Variants in ARID4B observed in about 807,000 individuals in gnomAD.
The protein encoded by ARID4B is AT-rich interactive domain-containing protein 4B.
Under a neutral mutation model 147.5 loss-of-function variants are expected in ARID4B, and 26 were observed. The ratio of observed to expected loss-of-function variants is 0.18; its 90% CI spans 0.13 to 0.24. The LOEUF (loss-of-function observed/expected upper bound fraction) is 0.24. Among genes scored for constraint, ARID4B ranks in the 10% least tolerant of loss-of-function variants. ARID4B has a pLI of 1.00. For missense variants in ARID4B, 1,179 were observed against 1,511.5 expected, an observed-to-expected ratio of 0.78 and a Z score of 3.65; for synonymous variants, 512 against 507.9, an observed-to-expected ratio of 1.01 and a Z score of -0.11.
At chr1:235,202,093 C>A (rs1665981471) in intron 17 of ARID4B, among the ~76,000 whole-genome samples, 1 of 150,400 alleles carries the variant, frequency 6.6e-6, no homozygotes, top group African/African-American at 2.4e-5. Context: ...CTGGTCTTAA[C>A]CTTTAGGAAT....
intron 12 of ARID4B, 31 bp from the exon 13 acceptor site, chr1:235,223,291 C>T: frequency 1.7e-6 from 2 of 1,186,394 alleles, no homozygotes; most frequent in Admixed American, 2.8e-5. Context: ...TATATTAGAT[C>T]CACACTACAT....
intron 2 of ARID4B, among the ~76,000 whole-genome samples, chr1:235,274,710 G>T (rs1056792448): frequency 5.3e-5 from 8 of 152,116 alleles, no homozygotes; most frequent in African/African-American, 1.9e-4. Context: ...AGAGGTAAAA[G>T]GATATAGAAG....
At chr1:235,309,353 G>A (rs1420647897) in intron 2 of ARID4B, among the ~76,000 whole-genome samples, 1 of 145,986 alleles carries the variant, frequency 6.8e-6, no homozygotes, top group Middle Eastern at 3.7e-3. Flanking sequence ...GAGCCCCTCC[G>A]CCCGGCAACC....
chr1:235,211,401 G>C (rs1259205807), intron 17 of ARID4B, among the ~76,000 whole-genome samples: 4 of 152,034 alleles, frequency 2.6e-5, no homozygotes, highest in African/African-American at 9.7e-5. Flanking sequence ...GAAAGTTGGA[G>C]AACACCTAAA....
chr1:235,267,249 G>T (rs553379746), intron 2 of ARID4B, among the ~76,000 whole-genome samples: 1 of 152,100 alleles, frequency 6.6e-6, no homozygotes, highest in African/African-American at 2.4e-5. Flanking sequence ...CGGCACTCCA[G>T]CCGGGTTGAC....
rs1012290461 is a variant in ARID4B at position 235,327,830 on chromosome 1, C to A, written c.-111G>T. The A allele has an allele frequency of 2.0e-5, 3 of 152,610 alleles. No homozygotes were observed. The highest frequency in any genetic ancestry group is 4.8e-5 in the African/African-American group (2 of 41,458). The allele number at this position is 152,610 out of a possible 1,614,324, so 9.5% of individuals were successfully genotyped here. A position where few individuals can be genotyped will look rare whatever the true frequency, so the allele number is the denominator to read the frequency against. On this transcript the variant is annotated 5_prime_UTR_variant, in exon 1 of 24. Transcript: ENST00000264183. ...GAGTCCCCTCTCTCCTTCTCCCCCCCAAAACCAGCAGGCCCGGGGGAGAGA... is the reference window on the plus strand; with the variant it reads ...GAGTCCCCTCTCTCCTTCTCCCCCCAAAAACCAGCAGGCCCGGGGGAGAGA...
intron 2 of ARID4B, among the ~76,000 whole-genome samples, chr1:235,314,759 T>C (rs932736782): frequency 6.6e-6 from 1 of 152,102 alleles, no homozygotes; most frequent in African/African-American, 2.4e-5. Context: ...TATATAACAT[T>C]TTACTATCAG....
chr1:235,182,805 CAG>C lies in ARID4B; in HGVS notation c.2126-14_2126-13del, dbSNP rs755470331. 2.6e-4 allele frequency: 405 copies of C among 1,556,038 alleles called. No individual in the cohort carries two copies. Among genetic ancestry groups the C allele is most frequent in the Non-Finnish European group, 3.1e-4 (362 of 1,157,986 alleles). ...AGAACTTTCAGAAGCTAGAAAATAA[CAG>C]AAAAAAAAATGATGAGTATGATAAG... On this transcript the variant is annotated splice_polypyrimidine_tract_variant and intron_variant, in intron 19 of 23. Transcript: ENST00000264183.
At chr1:235,290,550 C>T (rs1006429928) in intron 2 of ARID4B, among the ~76,000 whole-genome samples, 8 of 152,050 alleles carry the variant, frequency 5.3e-5, no homozygotes, top group African/African-American at 1.9e-4. Flanking sequence ...TCATCTCAGA[C>T]CTGTTTGTAA....
chr1:235,215,676 G>C (rs1667026707), intron 16 of ARID4B, among the ~76,000 whole-genome samples: 2 of 151,404 alleles, frequency 1.3e-5, no homozygotes, highest in East Asian at 1.9e-4. Flanking sequence ...TTGACTTCCT[G>C]TGCTCAAATG....
intron 3 of ARID4B, among the ~76,000 whole-genome samples, chr1:235,260,117 T>C (rs1439595655): frequency 2.0e-5 from 3 of 152,220 alleles, no homozygotes; most frequent in African/African-American, 4.8e-5. Context: ...TCAAGTACTT[T>C]AGAAAGATGT....
intron 2 of ARID4B, among the ~76,000 whole-genome samples, chr1:235,309,754 T>C (rs1035533429): frequency 1.3e-5 from 2 of 152,028 alleles, no homozygotes; most frequent in African/African-American, 2.4e-5. Flanking sequence ...GGGGAAAAGA[T>C]TGAGAAATCA....
At chr1:235,314,758 T>C (rs1353615961) in intron 2 of ARID4B, among the ~76,000 whole-genome samples, 1 of 152,116 alleles carries the variant, frequency 6.6e-6, no homozygotes, top group African/African-American at 2.4e-5. Flanking sequence ...ATATATAACA[T>C]TTTACTATCA....
chr1:235,220,741 G>A (rs757773809), intron 14 of ARID4B, among the ~76,000 whole-genome samples, 196 bp from the exon 15 acceptor site: 1 of 151,784 alleles, frequency 6.6e-6, no homozygotes, highest in Non-Finnish European at 1.5e-5. Context: ...TTAAAACACT[G>A]TGCTCAGAGT....
At chr1:235,256,936 C>T (rs1053401743) in intron 4 of ARID4B, among the ~76,000 whole-genome samples, 2 of 152,044 alleles carry the variant, frequency 1.3e-5, no homozygotes, top group Non-Finnish European at 1.5e-5. Context: ...GTGCAGTGTA[C>T]ACAATCATAA....
intron 8 of ARID4B, among the ~76,000 whole-genome samples, chr1:235,234,802 G>A (rs938391245): frequency 6.6e-5 from 10 of 152,178 alleles, no homozygotes; most frequent in Non-Finnish European, 2.9e-5. Context: ...GGTAGAGTTA[G>A]ATCCTTAACT....
chr1:235,211,115 C>T (rs1179510461), intron 17 of ARID4B, among the ~76,000 whole-genome samples: 1 of 152,138 alleles, frequency 6.6e-6, no homozygotes, highest in African/African-American at 2.4e-5. Context: ...AGGTGGATCA[C>T]CTGAGGTCAG....
chr1:235,249,311 C>T (rs1006765998), intron 6 of ARID4B, among the ~76,000 whole-genome samples: 5 of 151,870 alleles, frequency 3.3e-5, no homozygotes, highest in Admixed American at 1.3e-4. Flanking sequence ...CCAGTCTGGG[C>T]GACAGAGCAA....
At chr1:235,178,697 C>T (rs1478824629) in intron 20 of ARID4B, among the ~76,000 whole-genome samples, 1 of 152,058 alleles carries the variant, frequency 6.6e-6, no homozygotes, top group East Asian at 1.9e-4. Context: ...TATGTTATCT[C>T]TCAGACTATA....
Sources: allele counts gnomAD v4.1 joint callset (sites outside exome capture counted in the v4.1 genomes callset), GRCh38; gene constraint gnomAD v4.1.1; transcripts MANE v1.5; gene names NCBI Gene and HGNC (gene_info 2026-07-23, HGNC 2026-07-21).